Variants in ANAPC10 observed in about 807,000 individuals in gnomAD.
ANAPC10 encodes anaphase promoting complex subunit 10.
In ANAPC10, 12 loss-of-function variants were observed where a neutral mutation model predicts 22.0. The observed-to-expected ratio is 0.55, with a 90% confidence interval of 0.35 to 0.88. ANAPC10 has a LOEUF of 0.88. ANAPC10 is among the 40% of genes least tolerant of loss of function. ANAPC10 has a pLI of 0.01. For missense variants in ANAPC10, 188 were observed against 220.9 expected (o/e 0.85, Z 0.94); for synonymous variants, 65 against 69.5 (o/e 0.94, Z 0.32).
chr4:145,053,080 G>A (rs966717311), intron 4 of ANAPC10, among the ~76,000 whole-genome samples: 6 of 152,136 alleles, frequency 3.9e-5, no homozygotes, highest in African/African-American at 1.4e-4. Flanking sequence ...AAGATTCAGA[G>A]AAGATTATAT....
chr4:145,067,424 ACTCT>A (rs1743870615), intron 3 of ANAPC10, among the ~76,000 whole-genome samples: 1 of 152,072 alleles, frequency 6.6e-6, no homozygotes, highest in Admixed American at 6.5e-5. Flanking sequence ...ACTCCTGGAC[ACTCT>A]CTATCCCCTC....
chr4:145,090,428 G>A (rs781133360), intron 2 of ANAPC10, among the ~76,000 whole-genome samples: 1 of 152,128 alleles, frequency 6.6e-6, no homozygotes, highest in Non-Finnish European at 1.5e-5. Flanking sequence ...TATGTCCTTA[G>A]TGAAATCTTA....
At chr4:145,054,233 A>G (rs958955367) in intron 4 of ANAPC10, among the ~76,000 whole-genome samples, 2 of 151,106 alleles carry the variant, frequency 1.3e-5, no homozygotes, top group African/African-American at 2.4e-5. Context: ...AATCAGCAAC[A>G]TGTTAGTCGC....
At chr4:145,097,771 A>G (rs1274108326) in intron 1 of ANAPC10, 2 of 346,950 alleles carry the variant, frequency 5.8e-6, no homozygotes, top group East Asian at 1.5e-4. Flanking sequence ...CTAAAAAAAG[A>G]TAGAAATAAA....
intron 4 of ANAPC10, among the ~76,000 whole-genome samples, chr4:145,003,222 T>C (rs189868220): frequency 1.3e-5 from 2 of 152,318 alleles, no homozygotes; most frequent in Admixed American, 1.3e-4. Flanking sequence ...TGCACAGTAT[T>C]CCATTATGTG....
At chr4:144,998,097 T>C (rs990308089) in intron 4 of ANAPC10, among the ~76,000 whole-genome samples, 1 of 152,198 alleles carries the variant, frequency 6.6e-6, no homozygotes. Context: ...CTTAGAGATC[T>C]ATAAAGAGAC....
At chr4:145,067,119 G>C (rs546109082) in intron 3 of ANAPC10, among the ~76,000 whole-genome samples, 1 of 152,200 alleles carries the variant, frequency 6.6e-6, no homozygotes, top group East Asian at 1.9e-4. Context: ...AAAAGGTAGA[G>C]TAAAAAATTT....
In ANAPC10 at chr4:145,052,048, G is replaced by A. The variant is rs549828148; in HGVS notation, c.327+12524C>T. ...GAACTGCATCTTCTCATTTATACAC[G>A]GAATCTAAAGTTGAACTCACAGAAG... On this transcript the variant is annotated intron_variant, in intron 4 of 4. Coordinates refer to ENST00000507656, the MANE Select transcript of ANAPC10 (RefSeq NM_001256706.2). 2.9e-4 allele frequency among the ~76,000 whole-genome samples: 44 copies of A among 152,142 alleles called. No individual in the cohort carries two copies. In the South Asian group the frequency reaches 8.3e-3, roughly 29 times the overall value.
Position 145,064,469 on chromosome 4 carries a change from A to G in ANAPC10, c.327+103T>C, listed in dbSNP as rs1333913216. 3.6e-5 allele frequency: 32 copies of G among 882,186 alleles called. 1 individual carries two copies. In the South Asian group the frequency reaches 1.1e-3, roughly 30 times the overall value. 54.6% of individuals were successfully genotyped at this position (882,186 alleles called of 1,614,324 possible). A position where few individuals can be genotyped will look rare whatever the true frequency, so the allele number is the denominator to read the frequency against. On this transcript the variant is annotated intron_variant, in intron 4 of 4. Transcript: ENST00000507656. ...ATGTTTTCTCCAATATTTTTCTCTTATATATTAACATTTTAACCTGTCTAA... is the reference window on the plus strand; with the variant it reads ...ATGTTTTCTCCAATATTTTTCTCTTGTATATTAACATTTTAACCTGTCTAA...
intron 4 of ANAPC10, among the ~76,000 whole-genome samples, chr4:145,009,046 C>A (rs939411225): frequency 2.0e-5 from 3 of 152,002 alleles, no homozygotes; most frequent in Non-Finnish European, 4.4e-5. Flanking sequence ...ACACTAATAA[C>A]AGACAGAGAG....
chr4:145,055,034 A>T (rs2126371831), intron 4 of ANAPC10, among the ~76,000 whole-genome samples: 1 of 152,218 alleles, frequency 6.6e-6, no homozygotes, highest in South Asian at 2.1e-4. Context: ...TAAATTTCTA[A>T]GGCAAAAAAA....
intron 2 of ANAPC10, among the ~76,000 whole-genome samples, chr4:145,095,713 A>G (rs1316582134): frequency 2.6e-5 from 4 of 152,196 alleles, no homozygotes; most frequent in African/African-American, 9.7e-5. Context: ...CAAAACTTTT[A>G]TTACTTTATT....
chr4:145,001,283 A>G (rs1732531756), intron 4 of ANAPC10, among the ~76,000 whole-genome samples: 1 of 151,996 alleles, frequency 6.6e-6, no homozygotes, highest in Middle Eastern at 3.4e-3. Flanking sequence ...AAGAAAAGAA[A>G]AGAAAAGAAA....
At chr4:145,006,869 G>A (rs1733451886) in intron 4 of ANAPC10, among the ~76,000 whole-genome samples, 1 of 151,856 alleles carries the variant, frequency 6.6e-6, no homozygotes, top group Admixed American at 6.6e-5. Context: ...CCTTGTCTCT[G>A]CAGAGACTCC....
At chr4:145,072,502 T>C (rs1271168826) in intron 3 of ANAPC10, among the ~76,000 whole-genome samples, 1 of 152,210 alleles carries the variant, frequency 6.6e-6, no homozygotes, top group East Asian at 1.9e-4. Context: ...GTTTGTAATA[T>C]AATTTTTTGA....
At chr4:145,058,980 T>A (rs1406210239) in intron 4 of ANAPC10, among the ~76,000 whole-genome samples, 3 of 152,160 alleles carry the variant, frequency 2.0e-5, no homozygotes, top group Admixed American at 1.3e-4. Flanking sequence ...ATGAAACTAC[T>A]TTTTTAAAAA....
At chr4:144,995,658 A>G in intron 4 of ANAPC10, 55 bp from the exon 5 acceptor site, 1 of 1,130,504 alleles carries the variant, frequency 8.8e-7, no homozygotes, top group Non-Finnish European at 1.3e-6. Context: ...ATAATTTATA[A>G]CAATGAATGC....
In ANAPC10 at chr4:144,995,607, C is replaced by T; in HGVS notation, c.328-4G>A. 1 of 1,584,810 alleles carries T rather than the reference C, an allele frequency of 6.3e-7. No individual in the cohort carries two copies. The stretch of plus-strand genomic sequence containing the variant: ...TTGGTTCCACCAACTCAAGTTGCTG[C>T]CAAGGGAAAAAAAATCAGATTATGC... On this transcript the variant is annotated splice_region_variant and splice_polypyrimidine_tract_variant and intron_variant, in intron 4 of 4. Coordinates refer to ENST00000507656, the MANE Select transcript of ANAPC10 (RefSeq NM_001256706.2).
chr4:145,060,670 G>A (rs1417486939), intron 4 of ANAPC10, among the ~76,000 whole-genome samples: 2 of 151,884 alleles, frequency 1.3e-5, no homozygotes, highest in South Asian at 2.1e-4. Flanking sequence ...AAAAGATTTA[G>A]GTGGATTTTC....
Sources: allele counts gnomAD v4.1 joint callset (sites outside exome capture counted in the v4.1 genomes callset), GRCh38; gene constraint gnomAD v4.1.1; transcripts MANE v1.5; gene names NCBI Gene and HGNC (gene_info 2026-07-23, HGNC 2026-07-21).